Variants in KLHL7 observed in about 807,000 individuals in gnomAD.
KLHL7 encodes the protein kelch-like protein 7.
In KLHL7, 44 loss-of-function variants were observed where a neutral mutation model predicts 67.4. That is an observed-to-expected ratio of 0.65 (90% CI 0.51 to 0.84). The LOEUF (loss-of-function observed/expected upper bound fraction) is 0.84. Ranked by LOEUF, KLHL7 falls within the 40% of genes least tolerant of loss-of-function variation. The pLI, the probability that KLHL7 is intolerant of heterozygous loss-of-function variation, is 0.00. For synonymous variants in KLHL7, 252 were observed against 243.3 expected, an observed-to-expected ratio of 1.04 and a Z score of -0.33; for missense variants, 362 against 718.1, an observed-to-expected ratio of 0.50 and a Z score of 5.67.
At chr7:23,145,150 A>G (rs1372501730) in intron 6 of KLHL7, among the ~76,000 whole-genome samples, 1 of 152,112 alleles carries the variant, frequency 6.6e-6, no homozygotes, top group Non-Finnish European at 1.5e-5. Flanking sequence ...TTATGCTGAA[A>G]ATCATTTTCA....
At chr7:23,128,650 G>A (rs1038884087) in intron 4 of KLHL7, among the ~76,000 whole-genome samples, 1 of 151,872 alleles carries the variant, frequency 6.6e-6, no homozygotes, top group East Asian at 1.9e-4. Flanking sequence ...AAATGTCACG[G>A]TAAGTTTTAT....
intron 7 of KLHL7, among the ~76,000 whole-genome samples, chr7:23,164,538 G>A (rs909853516): frequency 2.6e-5 from 4 of 152,120 alleles, no homozygotes; most frequent in African/African-American, 9.7e-5. Flanking sequence ...GAAGTTTCAC[G>A]AACATGTTAT....
intron 8 of KLHL7, among the ~76,000 whole-genome samples, chr7:23,167,228 T>C (rs1386332836): frequency 6.6e-6 from 1 of 152,058 alleles, no homozygotes; most frequent in African/African-American, 2.4e-5. Flanking sequence ...ACATGATGAA[T>C]GTATGTTTTG....
At chr7:23,173,863 G>C in intron 10 of KLHL7, 152 bp from the exon 11 acceptor site, 1 of 716,200 alleles carries the variant, frequency 1.4e-6, no homozygotes, top group Non-Finnish European at 2.4e-6. Flanking sequence ...TGGTGGCTAT[G>C]TGGACATTCA....
At chr7:23,116,600 T>C (rs575900511) in intron 1 of KLHL7, among the ~76,000 whole-genome samples, 5 of 152,242 alleles carry the variant, frequency 3.3e-5, no homozygotes, top group Non-Finnish European at 7.3e-5. Context: ...TTGGTGTTTG[T>C]TTTGCTTGCA....
rs897764676 is a variant in KLHL7, at chr7:23,177,230, A to C, written c.*2932A>C. ...AGTAGGGTTTTCAATTTTGCACTCTATTGAAAAATGTGGCTAGTTTAATTT... is the reference window on the plus strand; with the variant it reads ...AGTAGGGTTTTCAATTTTGCACTCTCTTGAAAAATGTGGCTAGTTTAATTT... On this transcript the variant is annotated 3_prime_UTR_variant, in exon 11 of 11. Coordinates refer to ENST00000339077, the MANE Select transcript of KLHL7 (RefSeq NM_001031710.3). 5.3e-5 allele frequency: 8 copies of C among 152,174 alleles called. No homozygotes were observed. Among genetic ancestry groups the C allele is most frequent in the Non-Finnish European group, 1.0e-4 (7 of 68,034 alleles). 9.4% of individuals were successfully genotyped at this position (152,174 alleles called of 1,614,324 possible). A position where few individuals can be genotyped will look rare whatever the true frequency, so the allele number is the denominator to read the frequency against.
chr7:23,130,553 C>T (rs1217666036), intron 4 of KLHL7, among the ~76,000 whole-genome samples: 1 of 152,144 alleles, frequency 6.6e-6, no homozygotes, highest in Non-Finnish European at 1.5e-5. Flanking sequence ...TTTGAAAATA[C>T]ATATGTGCTG....
At position 23,123,822 on chromosome 7, in the gene KLHL7, C is replaced by A; in HGVS notation, c.166C>A (p.Pro56Thr). ...CCTCATGGTCCAGGAAAGAAAGATACCTGCTCATCGTGTTGTTCTTGCTGC... is the reference window on the plus strand; with the variant it reads ...CCTCATGGTCCAGGAAAGAAAGATAACTGCTCATCGTGTTGTTCTTGCTGC... ...VILMVQERKI[P>T]AHRVVLAAAS... The change falls in exon 2 of 11, where the codon CCT (proline) becomes ACT (threonine). Residue 56 changes from proline (P) to threonine (T), a missense_variant. Coordinates refer to ENST00000339077, the MANE Select transcript of KLHL7 (RefSeq NM_001031710.3). 1 of 1,613,644 alleles carries A rather than the reference C, an allele frequency of 6.2e-7. No individual in the cohort carries two copies. Among genetic ancestry groups the A allele is most frequent in the Non-Finnish European group, 8.5e-7 (1 of 1,179,834 alleles).
intron 4 of KLHL7, among the ~76,000 whole-genome samples, chr7:23,138,394 G>A (rs1194645008): frequency 6.9e-6 from 1 of 143,916 alleles, no homozygotes; most frequent in Non-Finnish European, 1.5e-5. Flanking sequence ...CCTGGGAGGT[G>A]GGGTTTGCAG....
At chr7:23,166,071 AT>A in intron 8 of KLHL7, 133 bp downstream of exon 8, 1 of 1,044,160 alleles carries the variant, frequency 9.6e-7, no homozygotes, top group Non-Finnish European at 1.4e-6. Context: ...TGTTTGTCAC[AT>A]TTTAGAGCTC....
At chr7:23,108,504 C>A (rs1782738042) in intron 1 of KLHL7, among the ~76,000 whole-genome samples, 1 of 152,176 alleles carries the variant, frequency 6.6e-6, no homozygotes, top group African/African-American at 2.4e-5. Context: ...ATCCCACCAA[C>A]AAGACGAGAA....
rs1187716384 is a variant in KLHL7 at position 23,105,873 on chromosome 7, C to A, written c.-154C>A. The A allele has an allele frequency of 5.8e-6, 7 of 1,197,052 alleles. No individual in the cohort carries two copies. The highest frequency in any genetic ancestry group is 1.5e-5 in the African/African-American group (1 of 66,400). 74.2% of individuals were successfully genotyped at this position (1,197,052 alleles called of 1,614,324 possible). ...GCCCGGCCTTGTCTTTCGGCAGTGG[C>A]CGAGCCACCGCCGCCTGCCGCGCGT... On this transcript the variant is annotated 5_prime_UTR_variant, in exon 1 of 11. Coordinates refer to ENST00000339077, the MANE Select transcript of KLHL7 (RefSeq NM_001031710.3).
chr7:23,146,718 A>G (rs1233280986), intron 6 of KLHL7, among the ~76,000 whole-genome samples: 3 of 151,470 alleles, frequency 2.0e-5, no homozygotes, highest in Non-Finnish European at 4.4e-5. Flanking sequence ...TGGGTGTGAA[A>G]TAAATAATAT....
chr7:23,111,015 G>T (rs1782847478), intron 1 of KLHL7, among the ~76,000 whole-genome samples: 1 of 152,078 alleles, frequency 6.6e-6, no homozygotes, highest in Non-Finnish European at 1.5e-5. Flanking sequence ...AACCCTGACA[G>T]TCCCAATCCT....
chr7:23,117,128 C>T (rs1783125139), intron 1 of KLHL7, among the ~76,000 whole-genome samples: 1 of 130,934 alleles, frequency 7.6e-6, no homozygotes. Context: ...CGCTCTGTCA[C>T]CCAGGCTGGA....
rs2128471018 is a variant in KLHL7 at position 23,176,805 on chromosome 7, C to T, written c.*2507C>T. 1 of 152,266 alleles carries T rather than the reference C, an allele frequency of 6.6e-6. No individual in the cohort carries two copies. The highest frequency in any genetic ancestry group is 2.4e-5 in the African/African-American group (1 of 41,462). The allele number at this position is 152,266 out of a possible 1,614,324, so 9.4% of individuals were successfully genotyped here. The stretch of plus-strand genomic sequence containing the variant: ...CCTGGACAACATGCCAAAACCCCGT[C>T]TCTACTAAAAATACAAAAATTAGCC... On this transcript the variant is annotated 3_prime_UTR_variant, in exon 11 of 11. Transcript: ENST00000339077.
chr7:23,147,741 A>G (rs1415370837), intron 6 of KLHL7, among the ~76,000 whole-genome samples: 1 of 152,178 alleles, frequency 6.6e-6, no homozygotes, highest in Admixed American at 6.5e-5. Flanking sequence ...ATCCAGGACT[A>G]CTTTGAGTTT....
intron 9 of KLHL7, among the ~76,000 whole-genome samples, chr7:23,169,667 A>T (rs1785099708): frequency 6.6e-6 from 1 of 152,162 alleles, no homozygotes; most frequent in African/African-American, 2.4e-5. Flanking sequence ...TTTTTTACTT[A>T]CTTTTTTGTT....
At chr7:23,155,169 T>A (rs1012448840) in intron 7 of KLHL7, among the ~76,000 whole-genome samples, 11 of 152,166 alleles carry the variant, frequency 7.2e-5, no homozygotes, top group African/African-American at 2.7e-4. Context: ...AATCTGGCTT[T>A]CTCAATAGAA....
Sources: allele counts gnomAD v4.1 joint callset (sites outside exome capture counted in the v4.1 genomes callset), GRCh38; gene constraint gnomAD v4.1.1; transcripts MANE v1.5; gene names NCBI Gene and HGNC (gene_info 2026-07-23, HGNC 2026-07-21).